Variants in NCKAP1 observed in about 807,000 individuals in gnomAD.
NCKAP1 encodes the protein NCK associated protein 1.
Under a neutral mutation model 151.2 loss-of-function variants are expected in NCKAP1, and 21 were observed. The observed-to-expected ratio is 0.14, with a 90% CI of 0.10 to 0.20. The LOEUF (loss-of-function observed/expected upper bound fraction) is 0.20. NCKAP1 is among the 10% of genes least tolerant of loss of function. The probability of loss-of-function intolerance (pLI) is 1.00; values close to 1 mark genes in which losing one functional copy is unlikely to be tolerated. For missense variants in NCKAP1, 933 were observed against 1,352.1 expected (o/e 0.69, Z 4.86); for synonymous variants, 484 against 451.8 (o/e 1.07, Z -0.90).
Position 182,922,022 on chromosome 2 carries a change from T to G in NCKAP1, c.*3680A>C, listed in dbSNP as rs1181263393. On this transcript the variant is annotated 3_prime_UTR_variant, in exon 31 of 31. Coordinates refer to ENST00000361354, the MANE Select transcript of NCKAP1 (RefSeq NM_013436.5). The stretch of plus-strand genomic sequence containing the variant: ...CGGAGAAAGAGAGCATTTTGTCTAT[T>G]TGAAAATTCAGGCTCAGGCCTTCAA... 2 of 152,264 alleles carry G rather than the reference T, an allele frequency of 1.3e-5. No individual in the cohort carries two copies. Among genetic ancestry groups the G allele is most frequent in the East Asian group, 1.9e-4 (1 of 5,202 alleles). The allele number at this position is 152,264 out of a possible 1,614,324, so 9.4% of individuals were successfully genotyped here.
intron 17 of NCKAP1, among the ~76,000 whole-genome samples, chr2:182,964,265 C>T (rs1697517315): frequency 6.6e-6 from 1 of 152,034 alleles, no homozygotes; most frequent in African/African-American, 2.4e-5. Context: ...TATTTATTAA[C>T]AATTTAGTAA....
rs151144508 is a variant in NCKAP1, at chr2:182,959,195, T to C, written c.1882-1599A>G. Reference sequence around the variant, plus strand: ...GGAAAAAAATGCATAAGAAATTACATTGCATTTCTATTGTGACAAAGGAGT... The same window carrying C: ...GGAAAAAAATGCATAAGAAATTACACTGCATTTCTATTGTGACAAAGGAGT... On this transcript the variant is annotated intron_variant, in intron 18 of 30. Transcript: ENST00000361354. 9.2e-4 allele frequency among the ~76,000 whole-genome samples: 140 copies of C among 152,312 alleles called. 1 individual carries two copies. Among genetic ancestry groups the C allele is most frequent in the African/African-American group, 3.0e-3 (123 of 41,570 alleles).
chr2:182,927,562 T>C (rs1200189827), intron 29 of NCKAP1, among the ~76,000 whole-genome samples: 1 of 149,140 alleles, frequency 6.7e-6, no homozygotes, highest in African/African-American at 2.5e-5. Flanking sequence ...AAGAAAGAAC[T>C]ACATTGATAG....
chr2:182,937,687 A>T, intron 24 of NCKAP1, among the ~76,000 whole-genome samples: 1 of 152,200 alleles, frequency 6.6e-6, no homozygotes, highest in East Asian at 1.9e-4. Flanking sequence ...TTAATGTAGC[A>T]TAGGGCCAAA....
chr2:182,979,527 T>G (rs1697895921), intron 13 of NCKAP1, among the ~76,000 whole-genome samples: 1 of 152,084 alleles, frequency 6.6e-6, no homozygotes, highest in Admixed American at 6.5e-5. Flanking sequence ...TTACAAACAG[T>G]ATAAATAAAA....
chr2:183,023,995 T>C, intron 1 of NCKAP1, 79 bp from the exon 2 acceptor site: 2 of 1,073,312 alleles, frequency 1.9e-6, no homozygotes. Context: ...CAATTAGAAA[T>C]TAAAGAGATA....
rs987243301 is a variant in NCKAP1 at position 182,918,211 on chromosome 2, T to C, written c.*7491A>G. 2 of 152,202 alleles carry C rather than the reference T, an allele frequency of 1.3e-5. No individual in the cohort carries two copies. The highest frequency in any genetic ancestry group is 4.8e-5 in the African/African-American group (2 of 41,454). 9.4% of individuals were successfully genotyped at this position (152,202 alleles called of 1,614,324 possible). ...TGGAGTTTAAATGAAGTAATGGATA[T>C]GAAAATGTCTAGTATCAAGAGTAGC... On this transcript the variant is annotated 3_prime_UTR_variant, in exon 31 of 31. Transcript: ENST00000361354.
intron 23 of NCKAP1, among the ~76,000 whole-genome samples, chr2:182,948,433 T>C (rs1221127652): frequency 6.6e-6 from 1 of 152,118 alleles, no homozygotes; most frequent in Non-Finnish European, 1.5e-5. Context: ...CTTTAAATTT[T>C]AATATCTGAG....
intron 15 of NCKAP1, among the ~76,000 whole-genome samples, chr2:182,972,827 C>T (rs115290448): frequency 4.1e-3 from 624 of 152,126 alleles, no homozygotes; most frequent in Non-Finnish European, 6.5e-3. Context: ...TGTTCTTACT[C>T]CTAAGTGGAT....
chr2:182,929,797 T>C (rs1165540200), intron 27 of NCKAP1, among the ~76,000 whole-genome samples: 1 of 149,876 alleles, frequency 6.7e-6, no homozygotes, highest in Non-Finnish European at 1.5e-5. Flanking sequence ...TCAAACACCA[T>C]GCTGCTGCCT....
intron 30 of NCKAP1, 78 bp downstream of exon 30, chr2:182,926,738 T>C (rs1696655671): frequency 5.1e-6 from 5 of 986,844 alleles, no homozygotes; most frequent in South Asian, 1.5e-5. Context: ...AAGTATTCAA[T>C]GACTAAGATG....
intron 8 of NCKAP1, among the ~76,000 whole-genome samples, chr2:182,990,587 C>T (rs903978945): frequency 3.3e-5 from 5 of 152,052 alleles, no homozygotes; most frequent in Non-Finnish European, 5.9e-5. Flanking sequence ...CATACTAGGA[C>T]GTAAGACCTC....
At chr2:183,016,070 A>G (rs969601961) in intron 2 of NCKAP1, among the ~76,000 whole-genome samples, 11 of 152,134 alleles carry the variant, frequency 7.2e-5, no homozygotes, top group African/African-American at 2.7e-4. Flanking sequence ...GGGAATAAGC[A>G]TATTTGTTAT....
chr2:182,980,323 C>G (rs1697912565), intron 13 of NCKAP1, among the ~76,000 whole-genome samples: 1 of 151,668 alleles, frequency 6.6e-6, no homozygotes, highest in African/African-American at 2.4e-5. Flanking sequence ...ATTACATGAA[C>G]AATTTTTTTC....
chr2:182,973,983 C>A (rs1441423293), intron 15 of NCKAP1, among the ~76,000 whole-genome samples: 1 of 152,042 alleles, frequency 6.6e-6, no homozygotes, highest in Admixed American at 6.6e-5. Flanking sequence ...TGCTTTGTCT[C>A]CATAGCTAGA....
intron 8 of NCKAP1, among the ~76,000 whole-genome samples, chr2:182,990,144 T>C (rs1698138441): frequency 6.6e-6 from 1 of 152,042 alleles, no homozygotes; most frequent in Non-Finnish European, 1.5e-5. Context: ...AGTCTTCTCA[T>C]ATATATTATT....
intron 24 of NCKAP1, among the ~76,000 whole-genome samples, chr2:182,935,861 C>T (rs893448065): frequency 6.6e-6 from 1 of 152,020 alleles, no homozygotes; most frequent in South Asian, 2.1e-4. Context: ...ACAAAAAATG[C>T]CTGTTGAGAA....
chr2:182,966,729 T>C (rs897951434), intron 16 of NCKAP1, among the ~76,000 whole-genome samples: 1 of 151,918 alleles, frequency 6.6e-6, no homozygotes, highest in Non-Finnish European at 1.5e-5. Context: ...GGAAGAAAAA[T>C]AAACTAAGTA....
intron 14 of NCKAP1, among the ~76,000 whole-genome samples, chr2:182,978,018 T>G (rs970476368): frequency 6.6e-6 from 1 of 152,156 alleles, no homozygotes; most frequent in Admixed American, 6.5e-5. Flanking sequence ...TGCTTACATG[T>G]CAATTTACAG....
Sources: allele counts gnomAD v4.1 joint callset (sites outside exome capture counted in the v4.1 genomes callset), GRCh38; gene constraint gnomAD v4.1.1; transcripts MANE v1.5; gene names NCBI Gene and HGNC (gene_info 2026-07-23, HGNC 2026-07-21).